The following ACTG2 variants were observed in gnomAD, a reference collection of about 807,000 sequenced individuals.
ACTG2 encodes actin gamma 2, smooth muscle, also known as actin, gamma-enteric smooth muscle.
In ACTG2, 16 loss-of-function variants were observed where a neutral mutation model predicts 37.6. The observed-to-expected ratio is 0.43, with a 90% CI of 0.29 to 0.65. ACTG2 has a LOEUF of 0.65. ACTG2 is among the 30% of genes least tolerant of loss of function. The pLI, the probability that ACTG2 is intolerant of heterozygous loss-of-function variation, is 0.18. For missense variants in ACTG2, 238 were observed against 490.9 expected, an observed-to-expected ratio of 0.48 and a Z score of 4.87; for synonymous variants, 181 against 179.9, an observed-to-expected ratio of 1.01 and a Z score of -0.05.
intron 8 of ACTG2, among the ~76,000 whole-genome samples, chr2:73,918,675 G>C (rs1470989866): frequency 1.3e-5 from 2 of 152,126 alleles, no homozygotes; most frequent in Admixed American, 1.3e-4. Context: ...TAAAAGCTAA[G>C]CCCAGGATTC....
Position 73,908,673 on chromosome 2 carries a change from A to G in ACTG2, c.256A>G (p.Ile86Val), listed in dbSNP as rs889858014. ...IITNWDDMEK[I>V]WHHSFYNELR... is the part of the protein sequence containing the mutation. ...CTCATATGGCTTTTGTCTCCACTAG[A>G]TCTGGCACCACTCCTTCTACAATGA... is the stretch of plus-strand genomic sequence containing the variant. The change falls in exon 4 of 9, where the codon ATC (isoleucine) becomes GTC (valine). Residue 86 changes from isoleucine to valine, a missense_variant and splice_region_variant. Physicochemically the swap from Ile to Val is conservative, Grantham distance 29. Coordinates refer to ENST00000345517, the MANE Select transcript of ACTG2 (RefSeq NM_001615.4). 1.9e-6 allele frequency: 3 copies of G among 1,601,602 alleles called. No homozygotes were observed. The highest frequency in any genetic ancestry group is 2.6e-6 in the Non-Finnish European group (3 of 1,174,636).
At chr2:73,917,761 C>A (rs1653250) in intron 8 of ACTG2, among the ~76,000 whole-genome samples, 79,529 of 152,072 alleles carry the variant, frequency 0.52, 22,443 homozygotes, top group Non-Finnish European at 0.61. Context: ...AGAAATGGAG[C>A]AAACCAGCAG....
chr2:73,903,163 C>T (rs1024190283), intron 3 of ACTG2: 3 of 159,782 alleles, frequency 1.9e-5, no homozygotes, highest in Non-Finnish European at 4.1e-5. Flanking sequence ...ATTATGTGTG[C>T]AAAATGTTAA....
intron 3 of ACTG2, among the ~76,000 whole-genome samples, chr2:73,903,663 C>T (rs540372727): frequency 1.6e-4 from 25 of 152,188 alleles, no homozygotes; most frequent in South Asian, 6.2e-4. Flanking sequence ...CATAATAGGC[C>T]GGGCGTGGTG....
At chr2:73,906,196 A>C (rs914097843) in intron 3 of ACTG2, among the ~76,000 whole-genome samples, 3 of 152,020 alleles carry the variant, frequency 2.0e-5, no homozygotes, top group Non-Finnish European at 4.4e-5. Flanking sequence ...TCACGCCTGT[A>C]ATCCCAGCAC....
At chr2:73,898,286 T>G (rs1679793586) in intron 1 of ACTG2, among the ~76,000 whole-genome samples, 1 of 133,636 alleles carries the variant, frequency 7.5e-6, no homozygotes, top group Admixed American at 8.0e-5. Context: ...TGAAGAGATC[T>G]CTGGCTAAGT....
At chr2:73,906,120 T>A (rs919658930) in intron 3 of ACTG2, among the ~76,000 whole-genome samples, 9 of 151,986 alleles carry the variant, frequency 5.9e-5, no homozygotes, top group African/African-American at 2.2e-4. Flanking sequence ...AACTGTTTGT[T>A]GTTAGGTGAT....
Position 73,913,170 on chromosome 2 carries a change from C to CAAAAAAA in ACTG2, c.452-305_452-299dup, listed in dbSNP as rs58764001. ...GGCAACAAGAGCAAAACTCTGTCTC[C>CAAAAAAA]AAAAAAAAAAAAAAAAGAATATGCA... is the stretch of plus-strand genomic sequence containing the variant. On this transcript the variant is annotated intron_variant, in intron 5 of 8. Coordinates refer to ENST00000345517, the MANE Select transcript of ACTG2 (RefSeq NM_001615.4). Among the ~76,000 whole-genome samples, 70 of 102,374 alleles carry CAAAAAAA rather than the reference C, an allele frequency of 6.8e-4. 1 individual carries two copies. The highest frequency in any genetic ancestry group is 1.4e-3 in the South Asian group (4 of 2,960). The allele number at this position is 102,374 out of a possible 152,430, so 67.2% of individuals were successfully genotyped here.
rs1412065263 is a variant in ACTG2, at chr2:73,904,769, GTGTGTGTGTATA to G, written c.255+2283_255+2294del. Among the ~76,000 whole-genome samples the G allele has an allele frequency of 1.8e-3, 64 of 36,344 alleles. 2 individuals are homozygous for G. The South Asian group carries it at 0.026, about 15-fold the overall frequency. The allele number at this position is 36,344 out of a possible 152,430, so 23.8% of individuals were successfully genotyped here. A position where few individuals can be genotyped will look rare whatever the true frequency, so the allele number is the denominator to read the frequency against. ...TGTGTGTGTGTGTGTGTGTGTGTGT[GTGTGTGTGTATA>G]TATATATATATATATATATATATAT... On this transcript the variant is annotated intron_variant, in intron 3 of 8. Coordinates refer to ENST00000345517, the MANE Select transcript of ACTG2 (RefSeq NM_001615.4).
chr2:73,897,671 A>C (rs1679779239), intron 1 of ACTG2, among the ~76,000 whole-genome samples: 2 of 152,198 alleles, frequency 1.3e-5, no homozygotes, highest in African/African-American at 4.8e-5. Flanking sequence ...CTACCACAGA[A>C]TATGTGAGAC....
chr2:73,907,585 G>A (rs965392518), intron 3 of ACTG2, among the ~76,000 whole-genome samples: 3 of 152,126 alleles, frequency 2.0e-5, no homozygotes, highest in Admixed American at 6.6e-5. Context: ...GGGCTCAAGC[G>A]ATCCTCCTGC....
Position 73,908,774 on chromosome 2 carries a change from G to T in ACTG2, c.357G>T (p.Lys119Asn). ...TAAATCCCAAGGCCAACAGGGAAAA[G>T]ATGACCCAGGTAAGAAGCCAGGAAG... ...APLNPKANREKMTQIMFETFN... is the reference protein window; with the variant it reads ...APLNPKANRENMTQIMFETFN... Residue 119 changes from lysine to asparagine, a missense_variant, in exon 4 of 9, where the codon AAG becomes AAT. Transcript: ENST00000345517. 2 of 1,611,202 alleles carry T rather than the reference G, an allele frequency of 1.2e-6. No individual in the cohort carries two copies. The highest frequency in any genetic ancestry group is 1.7e-6 in the Non-Finnish European group (2 of 1,177,274).
intron 3 of ACTG2, chr2:73,903,028 T>C: frequency 3.1e-6 from 1 of 322,082 alleles, no homozygotes; most frequent in East Asian, 5.7e-5. Flanking sequence ...TGCTAGACTA[T>C]GATGATGAGT....
intron 3 of ACTG2, among the ~76,000 whole-genome samples, chr2:73,905,191 A>G (rs1671666694): frequency 6.6e-6 from 1 of 152,136 alleles, no homozygotes; most frequent in African/African-American, 2.4e-5. Context: ...CTAAGCTCAT[A>G]CCATTTCACC....
chr2:73,911,272 T>A (rs1475502442), intron 5 of ACTG2, among the ~76,000 whole-genome samples: 1 of 152,146 alleles, frequency 6.6e-6, no homozygotes, highest in East Asian at 1.9e-4. Flanking sequence ...GGTGGGTGGA[T>A]CTCTTTGAGC....
At chr2:73,914,609 T>G in intron 6 of ACTG2, 71 bp from the exon 7 acceptor site, 117 of 1,216,708 alleles carry the variant, frequency 9.6e-5, no homozygotes, top group Middle Eastern at 3.0e-4. Flanking sequence ...GAGGTTTTCA[T>G]GGAGATCAAA....
chr2:73,900,778 C>G (rs931562718), intron 1 of ACTG2, among the ~76,000 whole-genome samples: 1 of 152,190 alleles, frequency 6.6e-6, no homozygotes, highest in Admixed American at 6.5e-5. Flanking sequence ...CTCCCAGTTC[C>G]TTTCCACACT....
chr2:73,896,179 T>C (rs831536), intron 1 of ACTG2, among the ~76,000 whole-genome samples: 1 of 150,710 alleles, frequency 6.6e-6, no homozygotes, highest in Non-Finnish European at 1.5e-5. Flanking sequence ...ACAAAAAAAA[T>C]TTTTTTTTGA....
chr2:73,913,413 T>C, intron 5 of ACTG2, 72 bp from the exon 6 acceptor site: 2 of 1,371,382 alleles, frequency 1.5e-6, no homozygotes, highest in Non-Finnish European at 2.0e-6. Context: ...AGCTCATTGG[T>C]AACAGTCCTA....
Sources: gnomAD v4.1 joint callset for allele counts (sites outside exome capture counted in the v4.1 genomes callset) on GRCh38, gnomAD v4.1.1 for gene constraint, MANE v1.5 for transcripts, NCBI Gene and HGNC (gene_info 2026-07-23, HGNC 2026-07-21) for gene names.